The following BANP variants were observed in gnomAD, a reference collection of about 807,000 sequenced individuals.
BANP encodes BTG3 associated nuclear protein, also known as protein BANP.
In BANP, 11 loss-of-function variants were observed where a neutral mutation model predicts 68.1. That is an observed-to-expected ratio of 0.16 (90% CI 0.10 to 0.27). BANP has a LOEUF of 0.27. BANP is among the 10% of genes least tolerant of loss of function. The pLI is 1.00. For synonymous variants in BANP, 329 were observed against 303.2 expected (o/e 1.09, Z -0.88); for missense variants, 504 against 722.7 (o/e 0.70, Z 3.47).
At chr16:88,072,711 C>T (rs558564865) in intron 13 of BANP, among the ~76,000 whole-genome samples, 1 of 152,230 alleles carries the variant, frequency 6.6e-6, no homozygotes, top group Non-Finnish European at 1.5e-5. Flanking sequence ...CAGGCAGAAG[C>T]CCCCGAGGGT....
At chr16:88,063,219 C>G (rs1475035881) in intron 11 of BANP, among the ~76,000 whole-genome samples, 3 of 152,360 alleles carry the variant, frequency 2.0e-5, no homozygotes, top group African/African-American at 7.2e-5. Context: ...GTGGTATCTG[C>G]TGACCCCGGT....
In BANP at chr16:87,955,646, T is replaced by C. The variant is rs142198609; in HGVS notation, c.-69+4131T>C. On this transcript the variant is annotated intron_variant, in intron 1 of 13. Transcript: ENST00000682872. ...CCTTAATGTCCTTCTGTCTGTGATA[T>C]TTACATAGTCACAAAGTATCTCCCC... Among the ~76,000 whole-genome samples, 59 of 152,084 alleles carry C rather than the reference T, an allele frequency of 3.9e-4. No individual in the cohort carries two copies. The East Asian group carries it at 0.011, about 29-fold the overall frequency.
chr16:87,977,350 C>T (rs1284178697), intron 2 of BANP, among the ~76,000 whole-genome samples: 6 of 151,660 alleles, frequency 4.0e-5, no homozygotes, highest in African/African-American at 9.7e-5. Flanking sequence ...ACCCGGGAGG[C>T]GGAGCTTGCA....
intron 1 of BANP, among the ~76,000 whole-genome samples, chr16:87,965,292 G>T (rs933941106): frequency 6.6e-6 from 1 of 152,164 alleles, no homozygotes; most frequent in East Asian, 1.9e-4. Flanking sequence ...GTGACAGCCC[G>T]ATGGGTGGGA....
intron 4 of BANP, among the ~76,000 whole-genome samples, chr16:87,985,132 C>G (rs1410061020): frequency 6.6e-6 from 1 of 152,318 alleles, no homozygotes. Flanking sequence ...TGGTGGCTGG[C>G]GCTGGGTTAG....
At chr16:88,026,982 A>G (rs564669926) in intron 7 of BANP, among the ~76,000 whole-genome samples, 1 of 152,378 alleles carries the variant, frequency 6.6e-6, no homozygotes, top group African/African-American at 2.4e-5. Flanking sequence ...GTGGTTATCC[A>G]GGGGGATGGT....
intron 6 of BANP, among the ~76,000 whole-genome samples, chr16:88,014,735 C>T (rs997563305): frequency 6.6e-6 from 1 of 151,960 alleles, no homozygotes; most frequent in African/African-American, 2.4e-5. Flanking sequence ...GGGTGATGGT[C>T]GGGGAGGCTG....
intron 6 of BANP, among the ~76,000 whole-genome samples, chr16:88,006,825 G>C (rs962645338): frequency 4.6e-5 from 7 of 151,584 alleles, no homozygotes; most frequent in African/African-American, 1.7e-4. Flanking sequence ...GGTGACAGGT[G>C]CCTGTAATCC....
chr16:87,996,978 C>T (rs568888016), intron 4 of BANP, among the ~76,000 whole-genome samples: 12 of 152,138 alleles, frequency 7.9e-5, no homozygotes, highest in Non-Finnish European at 1.5e-4. Flanking sequence ...GTGTGGTCCA[C>T]GAGCAACAGG....
chr16:87,977,705 A>G (rs933251788), intron 2 of BANP, among the ~76,000 whole-genome samples: 3 of 152,114 alleles, frequency 2.0e-5, no homozygotes, highest in African/African-American at 4.8e-5. Context: ...ATTTTTCCTT[A>G]TTTTTATTTA....
At chr16:88,034,539 G>C (rs941179421) in intron 9 of BANP, among the ~76,000 whole-genome samples, 23 of 152,004 alleles carry the variant, frequency 1.5e-4, no homozygotes, top group African/African-American at 5.6e-4. Flanking sequence ...GTGTTTCTTT[G>C]ATTTGAAAAA....
chr16:87,985,429 G>A (rs1306619151), intron 4 of BANP, among the ~76,000 whole-genome samples: 1 of 152,148 alleles, frequency 6.6e-6, no homozygotes, highest in African/African-American at 2.4e-5. Flanking sequence ...TGTTTACCGT[G>A]TCCTCTGTGC....
chr16:87,990,374 GA>G (rs2065604760), intron 4 of BANP, among the ~76,000 whole-genome samples: 1 of 152,186 alleles, frequency 6.6e-6, no homozygotes, highest in African/African-American at 2.4e-5. Context: ...CAATGAAGGA[GA>G]AATTTTTCTT....
At chr16:88,059,952 C>G (rs973324660) in intron 11 of BANP, among the ~76,000 whole-genome samples, 5 of 152,222 alleles carry the variant, frequency 3.3e-5, no homozygotes, top group Non-Finnish European at 5.9e-5. Flanking sequence ...ACACACACCC[C>G]AGGAGGGCTG....
intron 11 of BANP, among the ~76,000 whole-genome samples, chr16:88,048,117 A>T (rs922136933): frequency 6.6e-6 from 1 of 152,198 alleles, no homozygotes; most frequent in African/African-American, 2.4e-5. Flanking sequence ...CCAGTTTTTC[A>T]ATTTGGACAC....
At chr16:87,963,353 G>A (rs142877877) in intron 1 of BANP, 1 of 152,340 alleles carries the variant, frequency 6.6e-6, no homozygotes, top group African/African-American at 2.4e-5. Context: ...TTTACAGCAG[G>A]GAATATACTC....
intron 2 of BANP, among the ~76,000 whole-genome samples, chr16:87,975,562 T>G (rs184488418): frequency 4.7e-5 from 7 of 150,006 alleles, no homozygotes; most frequent in Non-Finnish European, 7.4e-5. Context: ...CCATGTTGTG[T>G]GTGTAATCCC....
At chr16:87,979,730 G>T (rs1441488093) in intron 2 of BANP, among the ~76,000 whole-genome samples, 1 of 152,158 alleles carries the variant, frequency 6.6e-6, no homozygotes, top group Non-Finnish European at 1.5e-5. Flanking sequence ...GTTACAATAC[G>T]CATGCTCATA....
At chr16:88,066,229 G>T (rs1329206338) in intron 12 of BANP, among the ~76,000 whole-genome samples, 1 of 152,238 alleles carries the variant, frequency 6.6e-6, no homozygotes, top group African/African-American at 2.4e-5. Context: ...AAGACTCTGA[G>T]ATGAGGTTCA....
Sources: gnomAD v4.1 joint callset for allele counts (sites outside exome capture counted in the v4.1 genomes callset) on GRCh38, gnomAD v4.1.1 for gene constraint, MANE v1.5 for transcripts, NCBI Gene and HGNC (gene_info 2026-07-23, HGNC 2026-07-21) for gene names.